The following MMRN1 variants were observed in gnomAD, a reference collection of about 807,000 sequenced individuals.
MMRN1 encodes the protein multimerin-1.
Under a neutral mutation model 100.7 loss-of-function variants are expected in MMRN1, and 94 were observed. The ratio of observed to expected loss-of-function variants is 0.93; its 90% CI spans 0.79 to 1.11. MMRN1 has a LOEUF of 1.11. MMRN1 is among the 50% of genes least tolerant of loss of function. MMRN1 has a pLI of 0.00. For synonymous variants in MMRN1, 575 were observed against 505.0 expected, an observed-to-expected ratio of 1.14 and a Z score of -1.86; for missense variants, 1,606 against 1,439.1, an observed-to-expected ratio of 1.12 and a Z score of -1.88.
At chr4:89,886,329 TG>T (rs1560576022) in intron 1 of MMRN1, among the ~76,000 whole-genome samples, 1 of 152,186 alleles carries the variant, frequency 6.6e-6, no homozygotes, top group African/African-American at 2.4e-5. Flanking sequence ...AGAAGTATAT[TG>T]TTTCATTTAA....
intron 1 of MMRN1, among the ~76,000 whole-genome samples, chr4:89,903,702 G>A (rs757141130): frequency 2.6e-5 from 4 of 151,708 alleles, no homozygotes; most frequent in Non-Finnish European, 4.4e-5. Context: ...TAGATGCTTC[G>A]TAGATGAGGT....
In MMRN1 at chr4:89,895,200, AGTC is replaced by A. The variant is rs751755135; in HGVS notation, c.230_232del (p.Ser77_Leu78delinsIle). On this transcript the variant is annotated inframe_deletion, in exon 1 of 8. Coordinates refer to ENST00000264790, the MANE Select transcript of MMRN1 (RefSeq NM_007351.3). ...TCCAGAGGCAAGAACTTCTGAAGAC[AGTC>A]TTCTTAAATCAACACTGCCTCCCTC... is the stretch of plus-strand genomic sequence containing the variant. 2.2e-5 allele frequency: 36 copies of A among 1,613,754 alleles called. No individual in the cohort carries two copies. Among genetic ancestry groups the A allele is most frequent in the Non-Finnish European group, 2.8e-5 (33 of 1,179,920 alleles).
rs185984076 is a variant in MMRN1 at position 89,954,477 on chromosome 4, T to C, written c.*1059T>C. 16 of 152,320 alleles carry C rather than the reference T, an allele frequency of 1.1e-4. No homozygotes were observed. In the East Asian group the frequency reaches 2.9e-3, roughly 28 times the overall value. 9.4% of individuals were successfully genotyped at this position (152,320 alleles called of 1,614,324 possible). Reference sequence around the variant, plus strand: ...TTTATTTAACTAATCCTTTATCCTCTATTTGTGTTGTCTCCCATTTTTTAT... The same window carrying C: ...TTTATTTAACTAATCCTTTATCCTCCATTTGTGTTGTCTCCCATTTTTTAT... On this transcript the variant is annotated 3_prime_UTR_variant, in exon 8 of 8. Transcript: ENST00000264790.
intron 1 of MMRN1, among the ~76,000 whole-genome samples, chr4:89,885,415 A>G (rs114369668): frequency 2.4e-3 from 358 of 152,074 alleles, no homozygotes; most frequent in African/African-American, 7.8e-3. Context: ...AATATTTGGT[A>G]TTAGGTTTTT....
chr4:89,903,199 A>G (rs1721446792), intron 1 of MMRN1, among the ~76,000 whole-genome samples: 2 of 151,976 alleles, frequency 1.3e-5, no homozygotes, highest in East Asian at 3.9e-4. Context: ...CTAGTGAACT[A>G]CATGCAAATT....
intron 1 of MMRN1, among the ~76,000 whole-genome samples, chr4:89,884,812 T>C (rs1012156994): frequency 1.3e-5 from 2 of 152,136 alleles, no homozygotes; most frequent in African/African-American, 4.8e-5. Flanking sequence ...GACAAGTCAT[T>C]TATATATAAT....
At chr4:89,898,035 T>C (rs1721265227) in intron 1 of MMRN1, among the ~76,000 whole-genome samples, 1 of 152,144 alleles carries the variant, frequency 6.6e-6, no homozygotes, top group African/African-American at 2.4e-5. Context: ...GAGGTTTTCT[T>C]TTAGTAATCC....
chr4:89,895,670 T>C, intron 1 of MMRN1, 76 bp downstream of exon 1: 1 of 1,458,788 alleles, frequency 6.9e-7, no homozygotes, highest in South Asian at 1.5e-5. Context: ...TTTACCTCAC[T>C]CCCAGAAAAT....
At chr4:89,930,870 G>C (rs991596434) in intron 5 of MMRN1, among the ~76,000 whole-genome samples, 3 of 151,984 alleles carry the variant, frequency 2.0e-5, no homozygotes, top group Non-Finnish European at 4.4e-5. Context: ...GCAAAATGTA[G>C]AAGATAAAAA....
At chr4:89,931,580 GA>G (rs1462872436) in intron 5 of MMRN1, among the ~76,000 whole-genome samples, 1 of 152,078 alleles carries the variant, frequency 6.6e-6, no homozygotes, top group Non-Finnish European at 1.5e-5. Flanking sequence ...AATTTATATA[GA>G]AAAAGAGGTT....
At position 89,911,862 on chromosome 4, in the gene MMRN1, A is replaced by G. The variant is rs117740750; in HGVS notation, c.744-82A>G. 3.6e-3 allele frequency: 3,486 copies of G among 955,764 alleles called. 100 individuals carry two copies. The East Asian group carries it at 0.067, about 18-fold the overall frequency. 59.2% of individuals were successfully genotyped at this position (955,764 alleles called of 1,614,324 possible). A position where few individuals can be genotyped will look rare whatever the true frequency, so the allele number is the denominator to read the frequency against. ...CTTGTTATATTGTAGGCATTGCCCC[A>G]AAAACTTTACATTTATTATTCCGGC... On this transcript the variant is annotated intron_variant, in intron 2 of 7. Coordinates refer to ENST00000264790, the MANE Select transcript of MMRN1 (RefSeq NM_007351.3).
At position 89,936,370 on chromosome 4, in the gene MMRN1, A is replaced by G. The variant is rs1031885071; in HGVS notation, c.2690A>G (p.Gln897Arg). Residue 897 changes from glutamine (Q) to arginine (R), a missense_variant, in exon 6 of 8, where the codon CAA (glutamine) becomes CGA (arginine). Physicochemically the swap from Gln to Arg is conservative, Grantham distance 43. Coordinates refer to ENST00000264790, the MANE Select transcript of MMRN1 (RefSeq NM_007351.3). ...TNERDQALQLQVLNSRFKALE... is the reference protein window; with the variant it reads ...TNERDQALQLRVLNSRFKALE... ...GAGAGAGATCAGGCTCTTCAACTGCAAGTATTAAATTCCAGATTTAAGGCG... is the reference window on the plus strand; with the variant it reads ...GAGAGAGATCAGGCTCTTCAACTGCGAGTATTAAATTCCAGATTTAAGGCG... 1.1e-5 allele frequency: 18 copies of G among 1,609,918 alleles called. No homozygotes were observed. The highest frequency in any genetic ancestry group is 1.4e-5 in the Non-Finnish European group (17 of 1,178,878).
chr4:89,947,869 T>C (rs1208518400), intron 6 of MMRN1, among the ~76,000 whole-genome samples: 2 of 152,208 alleles, frequency 1.3e-5, no homozygotes, highest in African/African-American at 2.4e-5. Flanking sequence ...GTTTTGTTTT[T>C]TGAGATAGAG....
intron 7 of MMRN1, 69 bp from the exon 8 acceptor site, chr4:89,952,928 G>C: frequency 7.2e-7 from 1 of 1,380,018 alleles, no homozygotes; most frequent in Non-Finnish European, 9.6e-7. Context: ...TAAAAATGAC[G>C]AAGATATAAG....
intron 1 of MMRN1, 22 bp downstream of exon 1, chr4:89,895,616 T>C (rs1334297325): frequency 6.3e-7 from 1 of 1,599,842 alleles, no homozygotes; most frequent in East Asian, 2.3e-5. Flanking sequence ...TCTTTTCTTT[T>C]TGTTCTTTCT....
chr4:89,889,747 C>T (rs541691476), intron 1 of MMRN1, among the ~76,000 whole-genome samples: 1 of 152,078 alleles, frequency 6.6e-6, no homozygotes, highest in Non-Finnish European at 1.5e-5. Flanking sequence ...TTCTTATAAC[C>T]TTAGGGTGGG....
intron 5 of MMRN1, among the ~76,000 whole-genome samples, chr4:89,933,558 G>A (rs1286878717): frequency 6.6e-6 from 1 of 151,740 alleles, no homozygotes; most frequent in East Asian, 1.9e-4. Context: ...CACATGGCTG[G>A]GGGAGCTTCA....
intron 3 of MMRN1, among the ~76,000 whole-genome samples, chr4:89,917,532 T>A (rs1350150342): frequency 6.6e-6 from 1 of 151,968 alleles, no homozygotes; most frequent in Non-Finnish European, 1.5e-5. Flanking sequence ...TTGTCTATAA[T>A]ACAGTCTAAA....
chr4:89,941,044 A>G (rs1722805827), intron 6 of MMRN1, among the ~76,000 whole-genome samples: 1 of 152,172 alleles, frequency 6.6e-6, no homozygotes, highest in Non-Finnish European at 1.5e-5. Flanking sequence ...TAAATGTCAA[A>G]GAATGGTTTT....
Sources: allele counts gnomAD v4.1 joint callset (sites outside exome capture counted in the v4.1 genomes callset), GRCh38; gene constraint gnomAD v4.1.1; transcripts MANE v1.5; gene names NCBI Gene and HGNC (gene_info 2026-07-23, HGNC 2026-07-21).